ALG9: variants seen among roughly 807,000 people sequenced by gnomAD.
ALG9 encodes the protein alpha-1,2-mannosyltransferase ALG9.
Under a neutral mutation model 81.8 loss-of-function variants are expected in ALG9, and 55 were observed. The observed-to-expected ratio is 0.67, with a 90% CI of 0.54 to 0.84. ALG9 has a LOEUF of 0.84. Among genes scored for constraint, ALG9 ranks in the 40% least tolerant of loss-of-function variants. The pLI, the probability that ALG9 is intolerant of heterozygous loss-of-function variation, is 0.00. For missense variants in ALG9, 629 were observed against 745.0 expected (o/e 0.84, Z 1.81); for synonymous variants, 278 against 274.3 (o/e 1.01, Z -0.13).
intron 4 of ALG9, chr11:111,864,408 T>C (rs1961555043): frequency 5.2e-6 from 4 of 764,474 alleles, no homozygotes; most frequent in Non-Finnish European, 9.8e-6. Context: ...CTGACTAGAG[T>C]ATCTTCAAGT....
At chr11:111,823,862 T>C (rs1952818123) in intron 13 of ALG9, among the ~76,000 whole-genome samples, 1 of 152,194 alleles carries the variant, frequency 6.6e-6, no homozygotes, top group Non-Finnish European at 1.5e-5. Context: ...TTGGATTCAA[T>C]GTCATCATGC....
chr11:111,830,741 A>G (rs570545260), intron 13 of ALG9, among the ~76,000 whole-genome samples: 11 of 152,196 alleles, frequency 7.2e-5, no homozygotes, highest in Non-Finnish European at 1.5e-4. Flanking sequence ...AAAATGAGAG[A>G]GAAAGGAAGA....
At position 111,809,050 on chromosome 11, in the gene ALG9, C is replaced by T. The variant is rs117850071; in HGVS notation, c.1733+593G>A. 6.6e-3 allele frequency among the ~76,000 whole-genome samples: 1,003 copies of T among 152,290 alleles called. 6 individuals carry two copies. Among genetic ancestry groups the T allele is most frequent in the Middle Eastern group, 0.051 (15 of 294 alleles). On this transcript the variant is annotated intron_variant, in intron 14 of 14. Transcript: ENST00000616540. ...CAATCTTCCTAACAGTGTCAAAATGCTCTCAGTTAAGATAGCTGAAGTTGG... is the reference window on the plus strand; with the variant it reads ...CAATCTTCCTAACAGTGTCAAAATGTTCTCAGTTAAGATAGCTGAAGTTGG...
At chr11:111,823,415 G>T (rs782404491) in intron 13 of ALG9, among the ~76,000 whole-genome samples, 1 of 152,116 alleles carries the variant, frequency 6.6e-6, no homozygotes, top group Non-Finnish European at 1.5e-5. Flanking sequence ...AAATATACAG[G>T]ATTTGCTTTT....
chr11:111,848,792 T>C (rs1957310747), intron 8 of ALG9, among the ~76,000 whole-genome samples: 1 of 152,130 alleles, frequency 6.6e-6, no homozygotes, highest in South Asian at 2.1e-4. Context: ...TATTTGACAT[T>C]CCATTTGTCA....
At chr11:111,827,606 C>T (rs1291161281) in intron 13 of ALG9, among the ~76,000 whole-genome samples, 1 of 152,276 alleles carries the variant, frequency 6.6e-6, no homozygotes, top group Non-Finnish European at 1.5e-5. Context: ...GTGGCTCACG[C>T]CTATAATCCC....
chr11:111,789,927 T>A (rs1947138955), intron 14 of ALG9, among the ~76,000 whole-genome samples: 1 of 151,786 alleles, frequency 6.6e-6, no homozygotes, highest in Non-Finnish European at 1.5e-5. Flanking sequence ...TTCAAAAAAA[T>A]TTTCTGGTAA....
chr11:111,793,660 C>G (rs1238753576), intron 14 of ALG9, among the ~76,000 whole-genome samples: 1 of 150,946 alleles, frequency 6.6e-6, no homozygotes, highest in Admixed American at 6.6e-5. Context: ...ACCTGGGAGG[C>G]TGAGGCAGGA....
chr11:111,798,999 T>C (rs929701126), intron 14 of ALG9, among the ~76,000 whole-genome samples: 2 of 152,234 alleles, frequency 1.3e-5, no homozygotes, highest in East Asian at 1.9e-4. Context: ...ACAATAAGGA[T>C]GTTGCTTATC....
At chr11:111,859,024 A>C (rs933459845) in intron 5 of ALG9, among the ~76,000 whole-genome samples, 4 of 151,992 alleles carry the variant, frequency 2.6e-5, no homozygotes, top group Non-Finnish European at 5.9e-5. Context: ...TGGGCAACAC[A>C]GTGAAACTCC....
At chr11:111,821,134 T>C (rs1467449934) in intron 13 of ALG9, among the ~76,000 whole-genome samples, 3 of 152,188 alleles carry the variant, frequency 2.0e-5, no homozygotes, top group East Asian at 1.9e-4. Context: ...AGAAATCCTA[T>C]TGCATATGCT....
At chr11:111,847,788 C>G (rs920333809) in intron 8 of ALG9, among the ~76,000 whole-genome samples, 1 of 152,158 alleles carries the variant, frequency 6.6e-6, no homozygotes, top group Non-Finnish European at 1.5e-5. Context: ...TCTGGTACAG[C>G]GCTCCCATGT....
At chr11:111,858,089 AC>A (rs1254119334) in intron 5 of ALG9, 1 of 338,106 alleles carries the variant, frequency 3.0e-6, no homozygotes, top group Non-Finnish European at 5.8e-6. Flanking sequence ...GGCACGTGCC[AC>A]CACACCCAGC....
rs782114013 is a variant in ALG9, at chr11:111,850,706, C to CAAAAAAAAAAAAAAAAAAAAA, written c.895+2673_895+2674insTTTTTTTTTTTTTTTTTTTTT. On this transcript the variant is annotated intron_variant, in intron 8 of 14. Transcript: ENST00000616540. ...CGGGTGACAGAGCGAGATACTGTCT[C>CAAAAAAAAAAAAAAAAAAAAA]AAAAAAAAAAAAAAAAAATCAGACA... Among the ~76,000 whole-genome samples the CAAAAAAAAAAAAAAAAAAAAA allele has an allele frequency of 2.5e-3, 164 of 66,622 alleles. 17 individuals are homozygous for CAAAAAAAAAAAAAAAAAAAAA. Among genetic ancestry groups the CAAAAAAAAAAAAAAAAAAAAA allele is most frequent in the African/African-American group, 9.1e-3 (99 of 10,830 alleles). 43.7% of individuals were successfully genotyped at this position (66,622 alleles called of 152,430 possible).
At chr11:111,780,304 G>C (rs917972545), downstream of ALG9, among the ~76,000 whole-genome samples, 1 of 151,884 alleles carries the variant, frequency 6.6e-6, no homozygotes. Context: ...TGTATTTCAG[G>C]AGAATTGGCG....
At chr11:111,851,477 CAAA>C (rs11343980) in intron 8 of ALG9, among the ~76,000 whole-genome samples, 34 of 105,028 alleles carry the variant, frequency 3.2e-4, no homozygotes, top group Non-Finnish European at 2.4e-4. Flanking sequence ...AACTCCATCT[CAAA>C]AAAAAAAAAA....
At chr11:111,862,509 C>T (rs868966302) in intron 4 of ALG9, among the ~76,000 whole-genome samples, 2 of 151,698 alleles carry the variant, frequency 1.3e-5, no homozygotes, top group South Asian at 4.1e-4. Flanking sequence ...GCTGGGATTA[C>T]AGGCATAAAA....
At chr11:111,818,166 T>C (rs1271301742) in intron 13 of ALG9, among the ~76,000 whole-genome samples, 9 of 152,152 alleles carry the variant, frequency 5.9e-5, no homozygotes, top group African/African-American at 1.4e-4. Context: ...TTGGGTGACA[T>C]TGAGGAAAGA....
chr11:111,868,880 G>A lies in ALG9; in HGVS notation c.271-144C>T, dbSNP rs1963357755. The A allele has an allele frequency of 3.8e-6, 3 of 782,082 alleles. No individual in the cohort carries two copies. In the East Asian group the frequency reaches 9.1e-5, roughly 24 times the overall value. 48.4% of individuals were successfully genotyped at this position (782,082 alleles called of 1,614,324 possible). On this transcript the variant is annotated intron_variant, in intron 2 of 14. Transcript: ENST00000616540. The stretch of plus-strand genomic sequence containing the variant: ...TCACACCTATAATCCCAGCACTTTG[G>A]GAGGGCAAGGCAAGCAGGCTGCTTG...
Sources: gnomAD v4.1 joint callset for allele counts (sites outside exome capture counted in the v4.1 genomes callset) on GRCh38, gnomAD v4.1.1 for gene constraint, MANE v1.5 for transcripts, NCBI Gene and HGNC (gene_info 2026-07-23, HGNC 2026-07-21) for gene names.